MYO18B: variants seen among roughly 807,000 people sequenced by gnomAD.
The protein encoded by MYO18B is unconventional myosin-XVIIIb.
In MYO18B, 204 loss-of-function variants were observed where a neutral mutation model predicts 273.0. The observed-to-expected ratio is 0.75, with a 90% CI of 0.67 to 0.84. The LOEUF (loss-of-function observed/expected upper bound fraction) is 0.84, where lower values mean the gene tolerates loss of function less well. Among genes scored for constraint, MYO18B ranks in the 40% least tolerant of loss-of-function variants. The pLI is 0.00. For missense variants in MYO18B, 3,212 were observed against 3,287.6 expected, an observed-to-expected ratio of 0.98 and a Z score of 0.56; for synonymous variants, 1,330 against 1,305.7, an observed-to-expected ratio of 1.02 and a Z score of -0.40.
At chr22:25,881,285 G>A (rs1452737189) in intron 25 of MYO18B, among the ~76,000 whole-genome samples, 6 of 152,256 alleles carry the variant, frequency 3.9e-5, no homozygotes, top group Non-Finnish European at 8.8e-5. Flanking sequence ...GCTCCTTGCA[G>A]GAAGGACCAC....
At chr22:25,981,428 A>G (rs564096907) in intron 39 of MYO18B, among the ~76,000 whole-genome samples, 2 of 152,132 alleles carry the variant, frequency 1.3e-5, no homozygotes, top group Middle Eastern at 6.8e-3. Flanking sequence ...ACTGCATCAG[A>G]GTTGTTCTGT....
chr22:25,884,645 C>G (rs1264244631), intron 25 of MYO18B: 3 of 152,194 alleles, frequency 2.0e-5, no homozygotes, highest in Admixed American at 1.3e-4. Flanking sequence ...AATCTCTTCT[C>G]TACCTGCCTT....
At chr22:25,996,585 G>A (rs1933269914) in intron 40 of MYO18B, among the ~76,000 whole-genome samples, 1 of 152,102 alleles carries the variant, frequency 6.6e-6, no homozygotes, top group Non-Finnish European at 1.5e-5. Flanking sequence ...ATGTGTGTGA[G>A]TGTGTCCAAA....
intron 21 of MYO18B, among the ~76,000 whole-genome samples, chr22:25,853,293 A>C (rs1219343111): frequency 6.6e-6 from 1 of 152,204 alleles, no homozygotes; most frequent in Non-Finnish European, 1.5e-5. Flanking sequence ...GAGTCAGAAG[A>C]CTAGATGTAA....
rs2072018 is a variant in MYO18B, at chr22:25,846,554, G to C, written c.3552+271G>C. 0.23 allele frequency among the ~76,000 whole-genome samples: 34,718 copies of C among 152,150 alleles called. 4,771 individuals are homozygous for C. The highest frequency in any genetic ancestry group is 0.31 in the Admixed American group (4,704 of 15,280). On this transcript the variant is annotated intron_variant, in intron 19 of 43. Coordinates refer to ENST00000335473, the MANE Select transcript of MYO18B (RefSeq NM_032608.7). ...GTTGAGAGGCCTGGGGGAGTTCCCA[G>C]AAGCTATGAATGCCCTCTTGACTCC...
intron 39 of MYO18B, among the ~76,000 whole-genome samples, chr22:25,958,640 G>T (rs2092881700): frequency 6.6e-6 from 1 of 152,182 alleles, no homozygotes; most frequent in Non-Finnish European, 1.5e-5. Context: ...GGTCCTTGCT[G>T]TGTAGAAGTT....
Position 25,950,439 on chromosome 22 carries a change from C to A in MYO18B, c.5821C>A (p.Leu1941Ile). 3 of 1,603,044 alleles carry A rather than the reference C, an allele frequency of 1.9e-6. No individual in the cohort carries two copies. The highest frequency in any genetic ancestry group is 2.6e-6 in the Non-Finnish European group (3 of 1,175,004). The change falls in exon 37 of 44, where the codon CTA (leucine) becomes ATA (isoleucine). Residue 1941 changes from leucine to isoleucine, a missense_variant. Physicochemically the swap from Leu to Ile is conservative, Grantham distance 5. Transcript: ENST00000335473. ...LEEAKKEKHKLQEQLQVAQMR... is the reference protein window; with the variant it reads ...LEEAKKEKHKIQEQLQVAQMR... Reference sequence around the variant, plus strand: ...GGAAGCCAAGAAGGAGAAGCACAAGCTACAAGAACAAGTATGTGCTCAGAG... The same window carrying A: ...GGAAGCCAAGAAGGAGAAGCACAAGATACAAGAACAAGTATGTGCTCAGAG...
At chr22:26,060,615 A>G in the MYO18B span, among the ~76,000 whole-genome samples, 2 of 152,168 alleles carry the variant, frequency 1.3e-5, no homozygotes, top group Non-Finnish European at 2.9e-5. Flanking sequence ...GTATACACAC[A>G]TACACATATA....
chr22:25,824,128 G>T (rs555981830), intron 13 of MYO18B, among the ~76,000 whole-genome samples: 1 of 152,318 alleles, frequency 6.6e-6, no homozygotes, highest in East Asian at 1.9e-4. Flanking sequence ...ATAAACGAGG[G>T]TTTTCATTCT....
intron 39 of MYO18B, among the ~76,000 whole-genome samples, chr22:25,980,871 CA>C (rs2146787630): frequency 6.6e-6 from 1 of 152,196 alleles, no homozygotes; most frequent in East Asian, 1.9e-4. Flanking sequence ...GCTGGAAGTC[CA>C]AAAAACCAAG....
intron 13 of MYO18B, among the ~76,000 whole-genome samples, chr22:25,824,923 C>CACACATGA (rs571723692): frequency 1.8e-3 from 269 of 152,108 alleles, no homozygotes; most frequent in African/African-American, 5.5e-3. Context: ...CACGGAATCA[C>CACACATGA]ACACATGCAC....
intron 12 of MYO18B, among the ~76,000 whole-genome samples, chr22:25,812,266 G>A (rs2088797434): frequency 6.6e-6 from 1 of 152,190 alleles, no homozygotes; most frequent in Non-Finnish European, 1.5e-5. Flanking sequence ...GCGGGGCTCA[G>A]AAGAGCCCGA....
intron 33 of MYO18B, among the ~76,000 whole-genome samples, chr22:25,914,426 C>T (rs1227499144): frequency 6.6e-6 from 1 of 151,976 alleles, no homozygotes; most frequent in South Asian, 2.1e-4. Flanking sequence ...TTTTTCTATA[C>T]AGATCTTGGA....
chr22:25,814,325 T>C (rs2088907674), intron 12 of MYO18B, among the ~76,000 whole-genome samples: 1 of 68,076 alleles, frequency 1.5e-5, no homozygotes, highest in Non-Finnish European at 2.9e-5. Context: ...TTTTTTTTTT[T>C]TTTTTTTTTT....
chr22:25,839,228 A>ATATG (rs1569093505), intron 17 of MYO18B, among the ~76,000 whole-genome samples: 1 of 151,080 alleles, frequency 6.6e-6, no homozygotes. Context: ...GTGTGTGTAT[A>ATATG]TATGTATGAG....
intron 12 of MYO18B, among the ~76,000 whole-genome samples, chr22:25,802,503 C>T (rs772420636): frequency 2.6e-5 from 4 of 152,094 alleles, no homozygotes; most frequent in Non-Finnish European, 5.9e-5. Flanking sequence ...GTAATCCCAG[C>T]GCTTTGGGAG....
At chr22:25,869,497 G>A (rs1036243291) in intron 22 of MYO18B, among the ~76,000 whole-genome samples, 1 of 150,094 alleles carries the variant, frequency 6.7e-6, no homozygotes, top group African/African-American at 2.5e-5. Flanking sequence ...AAGGAAGGAG[G>A]GAGGGAGGGA....
intron 17 of MYO18B, among the ~76,000 whole-genome samples, chr22:25,840,591 G>T (rs1363631436): frequency 6.6e-6 from 1 of 152,266 alleles, no homozygotes; most frequent in Non-Finnish European, 1.5e-5. Flanking sequence ...CACAGCTGGC[G>T]GGATGAGGTG....
intron 39 of MYO18B, among the ~76,000 whole-genome samples, chr22:25,981,442 A>G (rs1220460265): frequency 3.9e-5 from 6 of 152,308 alleles, no homozygotes; most frequent in Non-Finnish European, 7.3e-5. Flanking sequence ...GTTCTGTGTG[A>G]CATATTGATT....
Sources: gnomAD v4.1 joint callset for allele counts (sites outside exome capture counted in the v4.1 genomes callset) on GRCh38, gnomAD v4.1.1 for gene constraint, MANE v1.5 for transcripts, NCBI Gene and HGNC (gene_info 2026-07-23, HGNC 2026-07-21) for gene names.